Variants in CEP164 observed in about 807,000 individuals in gnomAD.
The protein encoded by CEP164 is centrosomal protein 164.
Under a neutral mutation model 182.7 loss-of-function variants are expected in CEP164, and 162 were observed. The observed-to-expected ratio is 0.89, with a 90% CI of 0.78 to 1.01. CEP164 has a LOEUF of 1.01. Ranked by LOEUF, CEP164 falls within the 50% of genes least tolerant of loss-of-function variation. The probability of loss-of-function intolerance (pLI) is 0.00; values close to 1 mark genes in which losing one functional copy is unlikely to be tolerated. For synonymous variants in CEP164, 661 were observed against 690.0 expected (o/e 0.96, Z 0.66); for missense variants, 1,735 against 1,790.4 (o/e 0.97, Z 0.56).
At chr11:117,377,258 GATCA>G (rs2042854136) in intron 11 of CEP164, among the ~76,000 whole-genome samples, 1 of 152,226 alleles carries the variant, frequency 6.6e-6, no homozygotes, top group African/African-American at 2.4e-5. Context: ...TGCATGCACA[GATCA>G]CGATAGGGTT....
intron 1 of CEP164, among the ~76,000 whole-genome samples, chr11:117,332,078 T>TC (rs1291930633): frequency 6.6e-6 from 1 of 151,440 alleles, no homozygotes; most frequent in African/African-American, 2.4e-5. Flanking sequence ...TAGGCCTTGG[T>TC]CCCCCATAGT....
chr11:117,350,553 C>T (rs1257739827), intron 4 of CEP164, among the ~76,000 whole-genome samples: 1 of 152,140 alleles, frequency 6.6e-6, no homozygotes, highest in East Asian at 1.9e-4. Flanking sequence ...TGCATATCTT[C>T]TATCACTGTC....
chr11:117,376,107 C>T (rs1271732692), intron 11 of CEP164, among the ~76,000 whole-genome samples: 1 of 152,158 alleles, frequency 6.6e-6, no homozygotes. Context: ...CATCCTGGCC[C>T]ATTCATCCTC....
intron 11 of CEP164, among the ~76,000 whole-genome samples, chr11:117,377,789 C>T (rs2042909163): frequency 6.6e-6 from 1 of 152,126 alleles, no homozygotes; most frequent in African/African-American, 2.4e-5. Flanking sequence ...GTATTATATA[C>T]CTTCACAACC....
intron 10 of CEP164, among the ~76,000 whole-genome samples, chr11:117,374,597 A>T (rs537617118): frequency 1.3e-5 from 2 of 152,330 alleles, no homozygotes; most frequent in Admixed American, 1.3e-4. Context: ...AGTGAAGTAG[A>T]ACTCAAACTG....
In CEP164 at chr11:117,397,193, G is replaced by A; in HGVS notation, c.3381G>A (p.Arg1127=). 1 of 1,614,250 alleles carries A rather than the reference G, an allele frequency of 6.2e-7. No homozygotes were observed. Among genetic ancestry groups the A allele is most frequent in the Non-Finnish European group, 8.5e-7 (1 of 1,180,048 alleles). Residue 1127 remains arginine (R), a synonymous_variant, in exon 27 of 33, where the codon CGG becomes CGA. Transcript: ENST00000278935. ...AGCAGACACGCTCCATGCGGAGGCG[G>A]CAGACAGCTCTGAAAGCTGCCCAGC... ...LVQQTRSMRR[R]QTALKAAQQH... is the part of the protein sequence containing the mutation.
chr11:117,364,084 A>C (rs1306419370), intron 8 of CEP164: 1 of 151,896 alleles, frequency 6.6e-6, no homozygotes, highest in Non-Finnish European at 1.5e-5. Flanking sequence ...TTGTACTTAG[A>C]AAGGAGCTTT....
At chr11:117,390,642 GA>G (rs60684637) in intron 15 of CEP164, 134 bp from the exon 16 acceptor site, 237,499 of 926,462 alleles carry the variant, frequency 0.26, 2,174 homozygotes, top group East Asian at 0.36. Context: ...TCTCCAAAAA[GA>G]AAAAAAAAAA....
intron 12 of CEP164, among the ~76,000 whole-genome samples, chr11:117,380,991 C>T (rs1487774676): frequency 1.3e-5 from 2 of 152,210 alleles, no homozygotes; most frequent in Non-Finnish European, 2.9e-5. Flanking sequence ...ATTGGCAGGA[C>T]TCTGGGCACC....
rs977065085 is a variant in CEP164 at position 117,392,625 on chromosome 11, G to A, written c.2491G>A (p.Glu831Lys). The A allele has an allele frequency of 3.1e-6, 5 of 1,613,754 alleles. No individual in the cohort carries two copies. Among genetic ancestry groups the A allele is most frequent in the African/African-American group, 1.3e-5 (1 of 74,946 alleles). The change falls in exon 19 of 33, where the codon GAG becomes AAG. Residue 831 changes from glutamate to lysine, a missense_variant and splice_region_variant. By Grantham distance (56) the Glu-to-Lys change is moderately conservative. Coordinates refer to ENST00000278935, the MANE Select transcript of CEP164 (RefSeq NM_014956.5). The stretch of plus-strand genomic sequence containing the variant: ...TTATCACGTGGCTGGGTATGAGCAC[G>A]AGGTGAGTGCTGCTCTGTCTTCCAC... ...KSYHVAGYEH[E>K]LSSLLREKRQ...
chr11:117,372,460 C>G (rs1365547989), intron 9 of CEP164, among the ~76,000 whole-genome samples: 1 of 151,540 alleles, frequency 6.6e-6, no homozygotes, highest in Non-Finnish European at 1.5e-5. Flanking sequence ...TCTTGTTGCC[C>G]AGGCTGGAGT....
In CEP164 at chr11:117,363,477, G is replaced by A; in HGVS notation, c.736G>A (p.Gly246Arg). 1.2e-6 allele frequency: 2 copies of A among 1,613,972 alleles called. No homozygotes were observed. Among genetic ancestry groups the A allele is most frequent in the Non-Finnish European group, 1.7e-6 (2 of 1,179,850 alleles). ...EPLRNLHLDIGALGGDFEYEE... is the reference protein window; with the variant it reads ...EPLRNLHLDIRALGGDFEYEE... The stretch of plus-strand genomic sequence containing the variant: ...TCTTAGGAACCTACACCTGGACATT[G>A]GGGCACTGGGGGGTGACTTTGAGTA... The change falls in exon 8 of 33, where the codon GGG (glycine) becomes AGG (arginine). Residue 246 changes from glycine to arginine, a missense_variant. Physicochemically the swap from Gly to Arg is moderately radical, Grantham distance 125 (BLOSUM62 -2). Transcript: ENST00000278935.
At chr11:117,378,970 A>G (rs143993039) in intron 11 of CEP164, among the ~76,000 whole-genome samples, 2 of 151,958 alleles carry the variant, frequency 1.3e-5, no homozygotes, top group African/African-American at 2.4e-5. Flanking sequence ...CCACTTCATT[A>G]CTCATCTTAT....
At chr11:117,374,669 CGTT>C (rs533193728) in intron 10 of CEP164, among the ~76,000 whole-genome samples, 309 of 152,318 alleles carry the variant, frequency 2.0e-3, no homozygotes, top group Non-Finnish European at 3.5e-3. Context: ...GGCAAAAAGT[CGTT>C]GTTGGCAAAA....
intron 2 of CEP164, among the ~76,000 whole-genome samples, chr11:117,336,023 A>G (rs1403057661): frequency 5.3e-5 from 8 of 151,438 alleles, no homozygotes; most frequent in African/African-American, 9.7e-5. Context: ...TGGCCAGGCC[A>G]TGGCAATCCT....
At chr11:117,397,417 C>G in intron 27 of CEP164, 104 bp downstream of exon 27, 1 of 1,110,964 alleles carries the variant, frequency 9.0e-7, no homozygotes, top group South Asian at 1.6e-5. Context: ...TCTCGGGACT[C>G]CATGAGAGTG....
intron 14 of CEP164, among the ~76,000 whole-genome samples, chr11:117,384,231 A>G (rs930084649): frequency 1.3e-4 from 20 of 152,210 alleles, no homozygotes. Context: ...TACTCACAGC[A>G]AGTTCATGCA....
chr11:117,363,578 A>G, intron 8 of CEP164, 72 bp downstream of exon 8: 1 of 1,106,292 alleles, frequency 9.0e-7, no homozygotes, highest in Non-Finnish European at 1.4e-6. Flanking sequence ...AAGCCCTGCT[A>G]CTTTGTTGTA....
At chr11:117,323,368 TATTTCACTTAACACCATGTCCTCC>T (rs1364272606), upstream of CEP164, among the ~76,000 whole-genome samples, 1 of 152,114 alleles carries the variant, frequency 6.6e-6, no homozygotes, top group African/African-American at 2.4e-5. Context: ...GTGCCTAGCT[TATTTCACTTAACACCATGTCCTCC>T]AGGTTCATTC....
Sources: allele counts gnomAD v4.1 joint callset (sites outside exome capture counted in the v4.1 genomes callset), GRCh38; gene constraint gnomAD v4.1.1; transcripts MANE v1.5; gene names NCBI Gene and HGNC (gene_info 2026-07-23, HGNC 2026-07-21).